Variants in STAB2 observed in about 807,000 individuals in gnomAD.
STAB2 encodes the protein stabilin-2.
In STAB2, 288 loss-of-function variants were observed where a neutral mutation model predicts 338.1. The ratio of observed to expected loss-of-function variants is 0.85; its 90% CI spans 0.77 to 0.94. The LOEUF is 0.94. Ranked by LOEUF, STAB2 falls within the 40% of genes least tolerant of loss-of-function variation. STAB2 has a pLI of 0.00. For missense variants in STAB2, 3,141 were observed against 3,210.1 expected, an observed-to-expected ratio of 0.98 and a Z score of 0.52; for synonymous variants, 1,202 against 1,193.3, an observed-to-expected ratio of 1.01 and a Z score of -0.15.
intron 52 of STAB2, among the ~76,000 whole-genome samples, chr12:103,736,278 G>A (rs1295175828): frequency 1.3e-5 from 2 of 152,166 alleles, no homozygotes; most frequent in Non-Finnish European, 2.9e-5. Context: ...GGAGCTCCAG[G>A]CACCATGTCT....
At position 103,685,001 on chromosome 12, in the gene STAB2, TCTA is replaced by T; in HGVS notation, c.2917_2919del (p.Thr973del). ...TTGGTTTTCTCAGGCAAGCTGTCAA[TCTA>T]CTTCGTCTGGTGTCTGGAGCTGTGT... On this transcript the variant is annotated inframe_deletion, in exon 27 of 69. Coordinates refer to ENST00000388887, the MANE Select transcript of STAB2 (RefSeq NM_017564.10). 5 of 1,613,928 alleles carry T rather than the reference TCTA, an allele frequency of 3.1e-6. No individual in the cohort carries two copies. The highest frequency in any genetic ancestry group is 3.4e-6 in the Non-Finnish European group (4 of 1,179,838).
chr12:103,762,797 G>A (rs1197660313), intron 67 of STAB2, among the ~76,000 whole-genome samples: 1 of 152,216 alleles, frequency 6.6e-6, no homozygotes, highest in African/African-American at 2.4e-5. Context: ...TGGGGGACAG[G>A]GCTAGGGACC....
chr12:103,751,967 G>A (rs966636157), intron 60 of STAB2, among the ~76,000 whole-genome samples: 1 of 152,100 alleles, frequency 6.6e-6, no homozygotes, highest in Non-Finnish European at 1.5e-5. Context: ...CCCACATTCA[G>A]GAGGAAGCGC....
chr12:103,700,831 G>C (rs1462371698), intron 34 of STAB2, among the ~76,000 whole-genome samples: 1 of 152,138 alleles, frequency 6.6e-6, no homozygotes, highest in African/African-American at 2.4e-5. Context: ...TGGAAGTATA[G>C]AGAAATGCTT....
chr12:103,631,985 G>A (rs958544884), intron 6 of STAB2, among the ~76,000 whole-genome samples: 4 of 152,130 alleles, frequency 2.6e-5, no homozygotes, highest in Non-Finnish European at 2.9e-5. Flanking sequence ...GAGGGACACC[G>A]GGACTGGGAA....
chr12:103,692,597 C>CTG (rs36051361), intron 30 of STAB2, among the ~76,000 whole-genome samples: 2,664 of 150,912 alleles, frequency 0.018, 74 homozygotes, highest in African/African-American at 0.058. Flanking sequence ...CTCTCTGTCT[C>CTG]TGTGTGTGTG....
chr12:103,751,903 C>T (rs1231749543), intron 60 of STAB2, among the ~76,000 whole-genome samples: 2 of 152,146 alleles, frequency 1.3e-5, no homozygotes, highest in Non-Finnish European at 2.9e-5. Flanking sequence ...GTGTGGTTAC[C>T]ATTAGCTTGG....
chr12:103,644,818 T>C (rs1439282420), intron 9 of STAB2, among the ~76,000 whole-genome samples: 1 of 152,200 alleles, frequency 6.6e-6, no homozygotes, highest in Non-Finnish European at 1.5e-5. Flanking sequence ...AATTGGGTTG[T>C]TTGTAGCACA....
chr12:103,627,688 G>T (rs1957401421), intron 5 of STAB2, among the ~76,000 whole-genome samples: 1 of 152,260 alleles, frequency 6.6e-6, no homozygotes. Context: ...GTGGAAGATA[G>T]CATGAAGGGA....
chr12:103,662,301 A>T (rs1874692094), intron 17 of STAB2, among the ~76,000 whole-genome samples: 1 of 152,172 alleles, frequency 6.6e-6, no homozygotes, highest in Non-Finnish European at 1.5e-5. Context: ...GACTTGAGCA[A>T]CCAGAAGAAT....
Position 103,636,040 on chromosome 12 carries a change from CT to C in STAB2, c.584-1064del, listed in dbSNP as rs1370559822. Among the ~76,000 whole-genome samples the C allele has an allele frequency of 2.0e-5, 3 of 152,176 alleles. No homozygotes were observed. The East Asian group carries it at 5.8e-4, about 29-fold the overall frequency. On this transcript the variant is annotated intron_variant, in intron 6 of 68. Coordinates refer to ENST00000388887, the MANE Select transcript of STAB2 (RefSeq NM_017564.10). The stretch of plus-strand genomic sequence containing the variant: ...TTTATAGACCTGCTATTTCTTTATT[CT>C]TTTTTTAATTTTATTATTATTATAC...
chr12:103,675,169 G>A (rs1876218471), intron 23 of STAB2, among the ~76,000 whole-genome samples: 1 of 152,178 alleles, frequency 6.6e-6, no homozygotes, highest in African/African-American at 2.4e-5. Context: ...GACTGAATTT[G>A]CAGTAAGACC....
rs763036814 is a variant in STAB2 at position 103,666,340 on chromosome 12, A to ACTCTGAGCCCACAGTGAGTGTGACAGCTT, written c.2074_2085+17dup. The ACTCTGAGCCCACAGTGAGTGTGACAGCTT allele has an allele frequency of 1.9e-6, 3 of 1,614,158 alleles. No homozygotes were observed. The South Asian group carries it at 3.3e-5, about 18-fold the overall frequency. On this transcript the variant is annotated frameshift_variant, in exon 19 of 69. Transcript: ENST00000388887. LOFTEE classifies it high-confidence loss of function. The stretch of plus-strand genomic sequence containing the variant: ...GTGTACTGGAGCAGATGTCCTGCTA[A>ACTCTGAGCCCACAGTGAGTGTGACAGCTT]CTCTGAGCCCACAGTGAGTGTGACA...
chr12:103,644,587 C>T (rs542673286), intron 9 of STAB2, among the ~76,000 whole-genome samples: 1 of 150,532 alleles, frequency 6.6e-6, no homozygotes, highest in African/African-American at 2.4e-5. Flanking sequence ...AAAATAAATG[C>T]TGGCTATTAT....
intron 44 of STAB2, among the ~76,000 whole-genome samples, chr12:103,720,558 A>G (rs1203501024): frequency 6.6e-6 from 1 of 152,226 alleles, no homozygotes; most frequent in Non-Finnish European, 1.5e-5. Flanking sequence ...AATGATGGTA[A>G]TTCATTCCAA....
intron 46 of STAB2, 84 bp from the exon 47 acceptor site, chr12:103,727,183 G>A (rs1881273145): frequency 7.1e-7 from 1 of 1,408,510 alleles, no homozygotes; most frequent in East Asian, 2.3e-5. Context: ...TCACCCAGGT[G>A]CCATCATCTC....
rs769244340 is a variant in STAB2, at chr12:103,737,740, T to TG, written c.5663dup (p.Arg1889ProfsTer3). On this transcript the variant is annotated frameshift_variant, in exon 53 of 69. Coordinates refer to ENST00000388887, the MANE Select transcript of STAB2 (RefSeq NM_017564.10). LOFTEE classifies it high-confidence loss of function. ...GACTGTCTGCTGATTGATCCCACCC[T>TG]GGGGGGCCGCTGTGACACCTTTACT... is the stretch of plus-strand genomic sequence containing the variant. The TG allele has an allele frequency of 3.1e-6, 5 of 1,613,648 alleles. No homozygotes were observed. The African/African-American group carries it at 4.0e-5, about 13-fold the overall frequency.
At chr12:103,640,094 A>G (rs891784423) in intron 8 of STAB2, 29 bp from the exon 9 acceptor site, 11 of 1,582,324 alleles carry the variant, frequency 7.0e-6, no homozygotes, top group South Asian at 5.8e-5. Flanking sequence ...CTAGGATCCT[A>G]TTTGTTTTTC....
intron 17 of STAB2, among the ~76,000 whole-genome samples, chr12:103,661,170 A>G (rs554470660): frequency 1.3e-5 from 2 of 149,064 alleles, no homozygotes; most frequent in Admixed American, 6.7e-5. Flanking sequence ...TGGCCATGCT[A>G]TGAATAAAGT....
Sources: allele counts gnomAD v4.1 joint callset (sites outside exome capture counted in the v4.1 genomes callset), GRCh38; gene constraint gnomAD v4.1.1; transcripts MANE v1.5; gene names NCBI Gene and HGNC (gene_info 2026-07-23, HGNC 2026-07-21).